EPB41: variants seen among roughly 807,000 people sequenced by gnomAD.
EPB41 encodes the protein erythrocyte membrane protein band 4.1, also known as protein 4.1.
Under a neutral mutation model 108.0 loss-of-function variants are expected in EPB41, and 65 were observed. The ratio of observed to expected loss-of-function variants is 0.60; its 90% CI spans 0.49 to 0.74. EPB41 has a LOEUF of 0.74. EPB41 is among the 30% of genes least tolerant of loss of function. The probability of loss-of-function intolerance (pLI) is 0.00; values close to 1 mark genes in which losing one functional copy is unlikely to be tolerated. For synonymous variants in EPB41, 336 were observed against 358.9 expected (o/e 0.94, Z 0.72); for missense variants, 875 against 1,037.0 (o/e 0.84, Z 2.15).
chr1:29,042,038 A>G (rs978752185), intron 11 of EPB41, among the ~76,000 whole-genome samples: 9 of 152,102 alleles, frequency 5.9e-5, no homozygotes, highest in African/African-American at 2.2e-4. Flanking sequence ...ATGCTACTAT[A>G]TTCTGGTTTG....
At chr1:29,020,998 TTA>T (rs1425934183) in intron 7 of EPB41, among the ~76,000 whole-genome samples, 6 of 152,334 alleles carry the variant, frequency 3.9e-5, no homozygotes, top group Admixed American at 6.5e-5. Flanking sequence ...TTGAGAGGAC[TTA>T]TAGTCTCTCA....
chr1:29,056,815 C>T (rs923504147), intron 12 of EPB41, among the ~76,000 whole-genome samples: 13 of 152,012 alleles, frequency 8.6e-5, no homozygotes, highest in Admixed American at 2.0e-4. Flanking sequence ...CGTGAGCCAC[C>T]GTACCCGGCT....
intron 10 of EPB41, among the ~76,000 whole-genome samples, chr1:29,037,334 G>A (rs534501366): frequency 1.1e-4 from 17 of 151,876 alleles, no homozygotes; most frequent in Non-Finnish European, 2.1e-4. Context: ...TGCTCGCCTC[G>A]GCCTCCCAGA....
At chr1:28,926,271 A>C (rs1259115203) in intron 1 of EPB41, among the ~76,000 whole-genome samples, 1 of 152,136 alleles carries the variant, frequency 6.6e-6, no homozygotes. Context: ...ACTTCTAATC[A>C]TTCTGTAATG....
At chr1:28,920,097 G>A (rs771112439) in intron 1 of EPB41, among the ~76,000 whole-genome samples, 3 of 152,128 alleles carry the variant, frequency 2.0e-5, no homozygotes, top group Non-Finnish European at 4.4e-5. Context: ...GGCAGGGTGG[G>A]TAGGAAGGGG....
chr1:28,977,855 GTTT>G (rs535156356), intron 1 of EPB41, among the ~76,000 whole-genome samples: 1 of 146,234 alleles, frequency 6.8e-6, no homozygotes, highest in Admixed American at 7.0e-5. Flanking sequence ...GATCCATAGG[GTTT>G]TTTTTTCTTT....
intron 5 of EPB41, among the ~76,000 whole-genome samples, chr1:29,014,052 C>T (rs1329966870): frequency 6.6e-6 from 1 of 151,952 alleles, no homozygotes; most frequent in Non-Finnish European, 1.5e-5. Context: ...TGCAGTGGCT[C>T]ACGCCTGTAA....
intron 15 of EPB41, among the ~76,000 whole-genome samples, chr1:29,061,879 C>T (rs1164338111): frequency 6.6e-6 from 1 of 152,060 alleles, no homozygotes. Context: ...TGGACCCAAC[C>T]TAAACTTTAA....
rs535450032 is a variant in EPB41, at chr1:28,951,687, C to A, written c.-7-35744C>A. On this transcript the variant is annotated intron_variant, in intron 1 of 20. Transcript: ENST00000343067. ...TGGGCAACATGGCAAAACCCTGTCTCTACAAAAAATACAAAAACTAGCCAG... is the reference window on the plus strand; with the variant it reads ...TGGGCAACATGGCAAAACCCTGTCTATACAAAAAATACAAAAACTAGCCAG... 3.3e-5 allele frequency among the ~76,000 whole-genome samples: 5 copies of A among 152,202 alleles called. No individual in the cohort carries two copies. In the South Asian group the frequency reaches 1.0e-3, roughly 32 times the overall value.
intron 1 of EPB41, among the ~76,000 whole-genome samples, chr1:28,979,584 G>A (rs928135068): frequency 6.6e-6 from 1 of 151,348 alleles, no homozygotes; most frequent in Admixed American, 6.6e-5. Context: ...GTTAAATGGT[G>A]AACTATTCTT....
rs554038715 is a variant in EPB41 at position 29,056,819 on chromosome 1, C to G, written c.1846-1770C>G. The stretch of plus-strand genomic sequence containing the variant: ...GAGATTACAGGCGTGAGCCACCGTA[C>G]CCGGCTGGCCTCAATTCTTAAACTG... On this transcript the variant is annotated intron_variant, in intron 12 of 20. Transcript: ENST00000343067. Among the ~76,000 whole-genome samples the G allele has an allele frequency of 4.3e-3, 648 of 152,214 alleles. 6 individuals are homozygous for G. Among genetic ancestry groups the G allele is most frequent in the African/African-American group, 0.015 (614 of 41,540 alleles).
intron 1 of EPB41, among the ~76,000 whole-genome samples, chr1:28,964,957 C>G (rs958672363): frequency 3.9e-5 from 6 of 152,176 alleles, no homozygotes; most frequent in African/African-American, 1.4e-4. Context: ...TGACTCTGCT[C>G]TGCTTATTCT....
intron 16 of EPB41, chr1:29,070,286 G>C (rs1650704993): frequency 9.5e-7 from 1 of 1,050,616 alleles, no homozygotes; most frequent in Admixed American, 4.3e-5. Flanking sequence ...ACATCCCCAA[G>C]TATCATTTTT....
At chr1:28,944,796 A>G (rs963806413) in intron 1 of EPB41, among the ~76,000 whole-genome samples, 5 of 151,280 alleles carry the variant, frequency 3.3e-5, no homozygotes, top group African/African-American at 1.2e-4. Context: ...CAGCCTCCCA[A>G]AGTGCTGGGA....
chr1:28,924,996 C>T (rs894189631), intron 1 of EPB41, among the ~76,000 whole-genome samples: 5 of 143,206 alleles, frequency 3.5e-5, no homozygotes, highest in Admixed American at 7.0e-5. Context: ...GATGGAGTCT[C>T]GCTCTGTCAC....
At chr1:28,910,558 G>A (rs1291068694), upstream of EPB41, among the ~76,000 whole-genome samples, 1 of 151,774 alleles carries the variant, frequency 6.6e-6, no homozygotes, top group South Asian at 2.1e-4. Flanking sequence ...TGGTTTCCCC[G>A]CCCCTCCCCG....
chr1:28,982,339 T>A, intron 1 of EPB41: 1 of 659,622 alleles, frequency 1.5e-6, no homozygotes, highest in South Asian at 1.4e-5. Flanking sequence ...CTTTTCAAAC[T>A]TGACCTTGGC....
At chr1:28,994,506 A>G (rs577952142) in intron 3 of EPB41, among the ~76,000 whole-genome samples, 2 of 152,186 alleles carry the variant, frequency 1.3e-5, no homozygotes, top group African/African-American at 2.4e-5. Context: ...TCTACTAACT[A>G]TATATTTTTC....
chr1:29,017,563 C>A (rs1018167013), intron 6 of EPB41, among the ~76,000 whole-genome samples: 1 of 152,194 alleles, frequency 6.6e-6, no homozygotes, highest in African/African-American at 2.4e-5. Context: ...ATTAGTCTTA[C>A]AAGGTGGCTA....
Sources: gnomAD v4.1 joint callset for allele counts (sites outside exome capture counted in the v4.1 genomes callset) on GRCh38, gnomAD v4.1.1 for gene constraint, MANE v1.5 for transcripts, NCBI Gene and HGNC (gene_info 2026-07-23, HGNC 2026-07-21) for gene names.